TNRC6A: variants seen among roughly 807,000 people sequenced by gnomAD.
TNRC6A encodes the protein trinucleotide repeat-containing gene 6A protein.
Under a neutral mutation model 221.2 loss-of-function variants are expected in TNRC6A, and 44 were observed. The observed-to-expected ratio is 0.20, with a 90% confidence interval of 0.16 to 0.26. The LOEUF is 0.26. Among genes scored for constraint, TNRC6A ranks in the 10% least tolerant of loss-of-function variants. The pLI, the probability that TNRC6A is intolerant of heterozygous loss-of-function variation, is 1.00. For missense variants in TNRC6A, 2,199 were observed against 2,404.4 expected (o/e 0.91, Z 1.79); for synonymous variants, 847 against 838.5 (o/e 1.01, Z -0.18).
At position 24,794,626 on chromosome 16, in the gene TNRC6A, G is replaced by A. The variant is rs1170816269; in HGVS notation, c.3435G>A (p.Glu1145=). The A allele has an allele frequency of 1.2e-6, 2 of 1,614,068 alleles. No homozygotes were observed. The highest frequency in any genetic ancestry group is 1.7e-5 in the Admixed American group (1 of 60,022). ...GCCCCACTGGCTGGGAAGAGGAAGA[G>A]GATGTGGAGATTGGAATGTGGAATA... The part of the protein sequence containing the change: ...GNRPTGWEEE[E]DVEIGMWNSN... Residue 1145 remains glutamate (E), a synonymous_variant, in exon 8 of 25, where the codon GAG becomes GAA. Transcript: ENST00000395799.
intron 3 of TNRC6A, among the ~76,000 whole-genome samples, chr16:24,752,243 G>A (rs1304748004): frequency 5.3e-5 from 8 of 152,156 alleles, no homozygotes; most frequent in African/African-American, 1.9e-4. Flanking sequence ...GATATAGAGG[G>A]AGAGTCAGCT....
chr16:24,673,799 C>G (rs750588483), intron 2 of TNRC6A, among the ~76,000 whole-genome samples: 3 of 152,184 alleles, frequency 2.0e-5, no homozygotes, highest in Non-Finnish European at 4.4e-5. Context: ...CTCAAGCGAA[C>G]TACCCACTTC....
At chr16:24,677,164 C>CTTT (rs57906267) in intron 2 of TNRC6A, among the ~76,000 whole-genome samples, 132 of 138,896 alleles carry the variant, frequency 9.5e-4, no homozygotes, top group African/African-American at 3.2e-3. Context: ...CTTTTTTTTT[C>CTTT]TTTTTTTTTT....
chr16:24,768,150 G>A (rs1242920309), intron 4 of TNRC6A, among the ~76,000 whole-genome samples: 1 of 152,126 alleles, frequency 6.6e-6, no homozygotes, highest in African/African-American at 2.4e-5. Flanking sequence ...AGTGTGCCTG[G>A]GCCGGGCGCG....
chr16:24,689,926 A>AT (rs113160851), intron 2 of TNRC6A, among the ~76,000 whole-genome samples: 2 of 146,636 alleles, frequency 1.4e-5, no homozygotes, highest in South Asian at 2.2e-4. Context: ...ATTTTAAAAA[A>AT]TTTTTGTAGA....
chr16:24,789,218 C>T lies in TNRC6A; in HGVS notation c.590-14C>T. On this transcript the variant is annotated splice_polypyrimidine_tract_variant and intron_variant, in intron 5 of 24. Transcript: ENST00000395799. ...TAACACTTTATAAATAGTTGTACTTCTCCTTTATCCTAGATATAAACCACA... is the reference window on the plus strand; with the variant it reads ...TAACACTTTATAAATAGTTGTACTTTTCCTTTATCCTAGATATAAACCACA... 6.5e-7 allele frequency: 1 copy of T among 1,549,002 alleles called. No homozygotes were observed. Among genetic ancestry groups the T allele is most frequent in the Non-Finnish European group, 8.7e-7 (1 of 1,150,492 alleles).
intron 19 of TNRC6A, chr16:24,816,188 G>C (rs1176702084): frequency 6.6e-6 from 1 of 152,110 alleles, no homozygotes; most frequent in Non-Finnish European, 1.5e-5. Context: ...AATTAGCCGG[G>C]TATGGCGGTG....
At chr16:24,640,729 G>GA (rs950708101) in intron 1 of TNRC6A, among the ~76,000 whole-genome samples, 2 of 150,654 alleles carry the variant, frequency 1.3e-5, no homozygotes, top group African/African-American at 4.9e-5. Context: ...AAAAAAGAAA[G>GA]AAAAAAAAGA....
intron 20 of TNRC6A, among the ~76,000 whole-genome samples, chr16:24,818,352 G>A (rs1289270632): frequency 2.0e-5 from 3 of 152,202 alleles, no homozygotes; most frequent in African/African-American, 7.2e-5. Context: ...CTCACAGCCA[G>A]TGAGGACAAA....
At chr16:24,732,275 A>C (rs903826083) in intron 2 of TNRC6A, among the ~76,000 whole-genome samples, 1 of 152,206 alleles carries the variant, frequency 6.6e-6, no homozygotes, top group African/African-American at 2.4e-5. Context: ...AAAAGAATGT[A>C]TCTGTCTTTA....
rs2056171448 is a variant in TNRC6A at position 24,709,869 on chromosome 16, T to A, written n.403-40857T>A. Among the ~76,000 whole-genome samples the A allele has an allele frequency of 4.0e-5, 6 of 151,362 alleles. No homozygotes were observed. In the South Asian group the frequency reaches 1.3e-3, roughly 32 times the overall value. On this transcript the variant is annotated intron_variant and non_coding_transcript_variant, in intron 2 of 2. Coordinates refer to the TNRC6A transcript ENST00000566108. ...AGTTTATATTCTTTGACTCGGCTAT[T>A]CCACTTCGATGATTCTCTGTCACAG...
At chr16:24,745,186 C>T (rs907571539) in intron 2 of TNRC6A, among the ~76,000 whole-genome samples, 2 of 152,190 alleles carry the variant, frequency 1.3e-5, no homozygotes, top group Non-Finnish European at 2.9e-5. Context: ...ATCCTATTCT[C>T]TTCATTTTAC....
Position 24,665,150 on chromosome 16 carries a change from G to T in TNRC6A, n.402+24141G>T, listed in dbSNP as rs1596626740. The T allele has an allele frequency of 4.9e-5, 17 of 346,016 alleles. 1 individual carries two copies. The highest frequency in any genetic ancestry group is 3.8e-4 in the South Asian group (17 of 44,738). The allele number at this position is 346,016 out of a possible 1,614,324, so 21.4% of individuals were successfully genotyped here. A position where few individuals can be genotyped will look rare whatever the true frequency, so the allele number is the denominator to read the frequency against. On this transcript the variant is annotated intron_variant and non_coding_transcript_variant, in intron 2 of 2. Coordinates refer to the TNRC6A transcript ENST00000566108. ...GTTCGTGCAATCATAGCTCACTGCA[G>T]CCTTGAACTCCTGGGCTCAAGCCAT...
At chr16:24,665,879 A>G (rs1168718519) in intron 2 of TNRC6A, among the ~76,000 whole-genome samples, 2 of 152,170 alleles carry the variant, frequency 1.3e-5, no homozygotes, top group East Asian at 1.9e-4. Context: ...CTCTGCTAGC[A>G]TATCAATCAA....
chr16:24,762,203 G>A (rs8049667), intron 4 of TNRC6A, among the ~76,000 whole-genome samples: 39,014 of 152,108 alleles, frequency 0.26, 5,193 homozygotes, highest in Middle Eastern at 0.33. Flanking sequence ...ATGAAATTAA[G>A]TCAACATTTA....
intron 2 of TNRC6A, among the ~76,000 whole-genome samples, chr16:24,736,553 A>G (rs1366433768): frequency 6.6e-6 from 1 of 152,138 alleles, no homozygotes; most frequent in Non-Finnish European, 1.5e-5. Flanking sequence ...TCTCTTGACA[A>G]TGACATTTTG....
At chr16:24,756,386 A>T (rs1469144462) in intron 3 of TNRC6A, among the ~76,000 whole-genome samples, 1 of 152,104 alleles carries the variant, frequency 6.6e-6, no homozygotes, top group East Asian at 1.9e-4. Flanking sequence ...GCCCGCAAAA[A>T]CCTGTTTTAA....
At chr16:24,708,747 G>A (rs573971373) in intron 2 of TNRC6A, among the ~76,000 whole-genome samples, 6 of 152,214 alleles carry the variant, frequency 3.9e-5, no homozygotes, top group Non-Finnish European at 5.9e-5. Context: ...AGAACATACC[G>A]TATTTGGTTT....
At chr16:24,701,691 G>C (rs1190534492) in intron 2 of TNRC6A, among the ~76,000 whole-genome samples, 1 of 151,980 alleles carries the variant, frequency 6.6e-6, no homozygotes, top group East Asian at 1.9e-4. Flanking sequence ...TAACCTCCTG[G>C]CTTCCGAAAC....
Sources: allele counts gnomAD v4.1 joint callset (sites outside exome capture counted in the v4.1 genomes callset), GRCh38; gene constraint gnomAD v4.1.1; transcripts MANE v1.5; gene names NCBI Gene and HGNC (gene_info 2026-07-23, HGNC 2026-07-21).